The following DNM1 variants were observed in gnomAD, a reference collection of about 807,000 sequenced individuals.
DNM1 encodes the protein dynamin-1.
DNM1 carries 29 observed loss-of-function variants against 104.6 expected under a neutral mutation model. That is an observed-to-expected ratio of 0.28 (90% CI 0.21 to 0.38). DNM1 has a LOEUF of 0.38. Ranked by LOEUF, DNM1 falls within the 10% of genes least tolerant of loss-of-function variation. The pLI is 1.00. For synonymous variants in DNM1, 445 were observed against 475.8 expected, an observed-to-expected ratio of 0.94 and a Z score of 0.84; for missense variants, 640 against 1,189.4, an observed-to-expected ratio of 0.54 and a Z score of 6.79.
At position 128,218,673 on chromosome 9, in the gene DNM1, C is replaced by A; in HGVS notation, c.327C>A (p.Thr109=). 6.2e-7 allele frequency: 1 copy of A among 1,613,004 alleles called. No homozygotes were observed. Among genetic ancestry groups the A allele is most frequent in the Non-Finnish European group, 8.5e-7 (1 of 1,179,380 alleles). ...LEIEAETDRV[T]GTNKGISPVP... Reference sequence around the variant, plus strand: ...TCGAGGCCGAGACCGACAGGGTCACCGGCACCAACAAGGGCATCTCGCCGG... The same window carrying A: ...TCGAGGCCGAGACCGACAGGGTCACAGGCACCAACAAGGGCATCTCGCCGG... The change falls in exon 3 of 22, where the codon ACC becomes ACA. Residue 109 remains threonine (T), a synonymous_variant. Coordinates refer to ENST00000372923, the MANE Select transcript of DNM1 (RefSeq NM_004408.4). This position sits in a 1 kb window ranked among gnomAD's most constrained non-coding sequence, Gnocchi z 4.8.
chr9:128,226,132 G>A, intron 10 of DNM1: 1 of 1,612,898 alleles, frequency 6.2e-7, no homozygotes, highest in Non-Finnish European at 8.5e-7. Context: ...GGATATGGTA[G>A]TCAGTGAGCT....
At chr9:128,226,996 A>G (rs1400497708) in intron 10 of DNM1, among the ~76,000 whole-genome samples, 4 of 149,130 alleles carry the variant, frequency 2.7e-5, no homozygotes, top group Non-Finnish European at 5.9e-5. Context: ...ATAAGCATCA[A>G]TCATCTCCAT....
In DNM1 at chr9:128,247,583, C is replaced by G; in HGVS notation, c.1893+97C>G. The stretch of plus-strand genomic sequence containing the variant: ...CCAAGTCATGCCATGTTTCCGAGCC[C>G]TTATTTGGCTCAGAAATAATAGGAA... On this transcript the variant is annotated intron_variant, in intron 17 of 21. Transcript: ENST00000372923. This position sits in a 1 kb window ranked among gnomAD's most constrained non-coding sequence, Gnocchi z 5.1. The G allele has an allele frequency of 9.7e-7, 1 of 1,029,398 alleles. No homozygotes were observed. Among genetic ancestry groups the G allele is most frequent in the Non-Finnish European group, 1.5e-6 (1 of 684,602 alleles). The allele number at this position is 1,029,398 out of a possible 1,614,324, so 63.8% of individuals were successfully genotyped here. A position where few individuals can be genotyped will look rare whatever the true frequency, so the allele number is the denominator to read the frequency against.
At chr9:128,235,678 T>A (rs554907422) in intron 11 of DNM1, among the ~76,000 whole-genome samples, 12 of 152,214 alleles carry the variant, frequency 7.9e-5, no homozygotes, top group Admixed American at 7.2e-4. Flanking sequence ...AGTATATACC[T>A]AAAAGTGGAA....
chr9:128,229,596 T>C, intron 10 of DNM1, among the ~76,000 whole-genome samples: 1 of 63,642 alleles, frequency 1.6e-5, no homozygotes, highest in African/African-American at 7.0e-5. Context: ...GAGCAAAACC[T>C]TATCAAAAAA....
rs1339784958 is a variant in DNM1 at position 128,248,705 on chromosome 9, C to T, written c.2028C>T (p.Thr676=). The T allele has an allele frequency of 5.6e-6, 9 of 1,613,878 alleles. No homozygotes were observed. The highest frequency in any genetic ancestry group is 1.1e-5 in the South Asian group (1 of 91,066). The change falls in exon 19 of 22, where the codon ACC becomes ACT. Residue 676 remains threonine, a synonymous_variant. Transcript: ENST00000372923. This position sits in a 1 kb window ranked among gnomAD's most constrained non-coding sequence, Gnocchi z 5.6. ...CATACATGGCCATTGTCAACAAGAC[C>T]GTGAGGGACCTCATGCCCAAGACCA... ...VDSYMAIVNK[T]VRDLMPKTIM...
At position 128,243,801 on chromosome 9, in the gene DNM1, A is replaced by T. The variant is rs1836559908; in HGVS notation, c.1671+1456A>T. On this transcript the variant is annotated intron_variant, in intron 15 of 21. Coordinates refer to ENST00000372923, the MANE Select transcript of DNM1 (RefSeq NM_004408.4). The surrounding 1 kb of genome is among the most constrained non-coding windows in gnomAD (Gnocchi z 4.0). The stretch of plus-strand genomic sequence containing the variant: ...CACGTGCCACTGAGGGGGTCCCCTG[A>T]TCTCATGCCTGAGCCTGCAGGCCTT... 6.6e-6 allele frequency among the ~76,000 whole-genome samples: 1 copy of T among 152,140 alleles called. No individual in the cohort carries two copies.
chr9:128,250,930 G>T lies in DNM1; in HGVS notation c.2524G>T (p.Gly842Trp). ...CTCGCGCCCCAACCGCGCCCCGCCCGGGGTCCCCAGGTGAGTAGGGGCTGA... is the reference window on the plus strand; with the variant it reads ...CTCGCGCCCCAACCGCGCCCCGCCCTGGGTCCCCAGGTGAGTAGGGGCTGA... ...VPSRPNRAPP[G>W]VPSRSGQASP... The change falls in exon 21 of 22, where the codon GGG (glycine) becomes TGG (tryptophan). Residue 842 changes from glycine (G) to tryptophan (W), a missense_variant. Physicochemically the swap from Gly to Trp is radical, Grantham distance 184. Coordinates refer to ENST00000372923, the MANE Select transcript of DNM1 (RefSeq NM_004408.4). 1.5e-6 allele frequency: 2 copies of T among 1,368,274 alleles called. No homozygotes were observed. The highest frequency in any genetic ancestry group is 1.9e-6 in the Non-Finnish European group (2 of 1,057,570). 84.8% of individuals were successfully genotyped at this position (1,368,274 alleles called of 1,614,324 possible). A position where few individuals can be genotyped will look rare whatever the true frequency, so the allele number is the denominator to read the frequency against.
In DNM1 at chr9:128,243,516, T is replaced by C. The variant is rs1836529786; in HGVS notation, c.1671+1171T>C. Among the ~76,000 whole-genome samples, 1 of 152,200 alleles carries C rather than the reference T, an allele frequency of 6.6e-6. No individual in the cohort carries two copies. Among genetic ancestry groups the C allele is most frequent in the Non-Finnish European group, 1.5e-5 (1 of 68,018 alleles). On this transcript the variant is annotated intron_variant, in intron 15 of 21. Coordinates refer to ENST00000372923, the MANE Select transcript of DNM1 (RefSeq NM_004408.4). This position sits in a 1 kb window ranked among gnomAD's most constrained non-coding sequence, Gnocchi z 4.0. ...CCACCTTGGGAGGGGCCCTCTGTCGTCACTGGCGGGGGCGCCAAGCCATCT... is the reference window on the plus strand; with the variant it reads ...CCACCTTGGGAGGGGCCCTCTGTCGCCACTGGCGGGGGCGCCAAGCCATCT...
intron 10 of DNM1, chr9:128,232,149 C>T (rs1332315007): frequency 2.3e-6 from 1 of 426,094 alleles, no homozygotes; most frequent in Non-Finnish European, 4.8e-6. Context: ...TGGTCATGCT[C>T]TTTGGCAAAT....
At position 128,250,372 on chromosome 9, in the gene DNM1, C is replaced by T; in HGVS notation, c.2318+16C>T. 6.4e-7 allele frequency: 1 copy of T among 1,557,478 alleles called. No homozygotes were observed. The highest frequency in any genetic ancestry group is 8.7e-7 in the Non-Finnish European group (1 of 1,153,536). On this transcript the variant is annotated intron_variant, in intron 20 of 21. Coordinates refer to ENST00000372923, the MANE Select transcript of DNM1 (RefSeq NM_004408.4). ...CCGGACGCAGGTACCAGGGCCGGCCCCCACGGCCCCAAAGCCCCCCAGCCC... is the reference window on the plus strand; with the variant it reads ...CCGGACGCAGGTACCAGGGCCGGCCTCCACGGCCCCAAAGCCCCCCAGCCC...
At position 128,250,321 on chromosome 9, in the gene DNM1, C is replaced by T. The variant is rs756905779; in HGVS notation, c.2283C>T (p.Ser761=). The stretch of plus-strand genomic sequence containing the variant: ...CCATGCCCCCGCCCGTGGACGACTC[C>T]TGGCTGCAGGTGCAGAGCGTACCGG... The part of the protein sequence containing the change: ...STPMPPPVDD[S]WLQVQSVPAG... Residue 761 remains serine (S), a synonymous_variant, in exon 20 of 22, where the codon TCC becomes TCT. Coordinates refer to ENST00000372923, the MANE Select transcript of DNM1 (RefSeq NM_004408.4). The T allele has an allele frequency of 6.2e-7, 1 of 1,603,740 alleles. No individual in the cohort carries two copies. Among genetic ancestry groups the T allele is most frequent in the African/African-American group, 1.3e-5 (1 of 74,890 alleles).
chr9:128,254,289 G>A lies in DNM1; in HGVS notation c.2535-365G>A, dbSNP rs774069029. 22 of 1,394,004 alleles carry A rather than the reference G, an allele frequency of 1.6e-5. No individual in the cohort carries two copies. The highest frequency in any genetic ancestry group is 2.0e-5 in the Non-Finnish European group (22 of 1,084,398). 86.4% of individuals were successfully genotyped at this position (1,394,004 alleles called of 1,614,324 possible). On this transcript the variant is annotated intron_variant, in intron 21 of 21. Transcript: ENST00000372923. The surrounding 1 kb of genome is among the most constrained non-coding windows in gnomAD (Gnocchi z 6.1). Reference sequence around the variant, plus strand: ...CTCCCCAAGGCAAGGGGTGGCCCCAGGCCAGTGGGTTGGAAGACAGGGTGA... The same window carrying A: ...CTCCCCAAGGCAAGGGGTGGCCCCAAGCCAGTGGGTTGGAAGACAGGGTGA...
At chr9:128,216,473 TG>T (rs1834611360) in intron 1 of DNM1, among the ~76,000 whole-genome samples, 1 of 152,234 alleles carries the variant, frequency 6.6e-6, no homozygotes, top group South Asian at 2.1e-4. Flanking sequence ...TGCTAAGCCC[TG>T]TCCTGGGCAC....
At chr9:128,232,028 A>T (rs1226565683) in intron 10 of DNM1, 1 of 456,494 alleles carries the variant, frequency 2.2e-6, no homozygotes, top group Admixed American at 2.3e-5. Flanking sequence ...GCCAGAATGG[A>T]AAAAGATGCT....
rs576593397 is a variant in DNM1 at position 128,253,174 on chromosome 9, G to A, written c.2535-1480G>A. On this transcript the variant is annotated intron_variant, in intron 21 of 21. Coordinates refer to ENST00000372923, the MANE Select transcript of DNM1 (RefSeq NM_004408.4). The surrounding 1 kb of genome is among the most constrained non-coding windows in gnomAD (Gnocchi z 5.9). ...CCTCACCGCCTGCTGCATGAACGGT[G>A]TGTCTGCCCCGCTGCACTAGCTCCA... is the stretch of plus-strand genomic sequence containing the variant. The A allele has an allele frequency of 2.5e-6, 4 of 1,596,288 alleles. No individual in the cohort carries two copies. Among genetic ancestry groups the A allele is most frequent in the African/African-American group, 2.7e-5 (2 of 74,906 alleles).
intron 21 of DNM1, chr9:128,252,381 G>A: frequency 2.6e-6 from 1 of 388,228 alleles, no homozygotes. Flanking sequence ...TTGGGGAAAA[G>A]AGCAGTCTGG....
intron 14 of DNM1, among the ~76,000 whole-genome samples, chr9:128,241,623 A>C (rs1836369547): frequency 2.6e-5 from 4 of 152,296 alleles, no homozygotes; most frequent in Admixed American, 2.6e-4. Context: ...TCGACAGATA[A>C]TCACACACAC....
chr9:128,249,652 G>T (rs1254559551), intron 19 of DNM1, among the ~76,000 whole-genome samples: 4 of 137,736 alleles, frequency 2.9e-5, no homozygotes, highest in Non-Finnish European at 6.1e-5. Context: ...GTGAAACTCC[G>T]TCTCAAAAAA....
Sources: allele counts gnomAD v4.1 joint callset (sites outside exome capture counted in the v4.1 genomes callset), GRCh38; gene constraint gnomAD v4.1.1; non-coding constraint Gnocchi (gnomAD v3.1); transcripts MANE v1.5; gene names NCBI Gene and HGNC (gene_info 2026-07-23, HGNC 2026-07-21).